The following ACE variants were observed in gnomAD, a reference collection of about 807,000 sequenced individuals.
ACE encodes angiotensin-converting enzyme.
A neutral mutation model predicts 162.3 loss-of-function variants in ACE; 122 were observed. The observed-to-expected ratio is 0.75, with a 90% CI of 0.65 to 0.87. The LOEUF (loss-of-function observed/expected upper bound fraction) is 0.87. Ranked by LOEUF, ACE falls within the 40% of genes least tolerant of loss-of-function variation. The probability of loss-of-function intolerance (pLI) is 0.00; values close to 1 mark genes in which losing one functional copy is unlikely to be tolerated. For missense variants in ACE, 1,799 were observed against 1,735.1 expected (o/e 1.04, Z -0.65); for synonymous variants, 796 against 720.6 (o/e 1.10, Z -1.68).
chr17:63,493,044 TC>T (rs765997805), intron 19 of ACE, among the ~76,000 whole-genome samples: 2 of 152,172 alleles, frequency 1.3e-5, no homozygotes, highest in Non-Finnish European at 2.9e-5. Flanking sequence ...AACAGTTGTT[TC>T]CTTCAGGGAG....
At chr17:63,489,180 G>A in intron 17 of ACE, 48 bp downstream of exon 17, 1 of 1,590,952 alleles carries the variant, frequency 6.3e-7, no homozygotes, top group Non-Finnish European at 8.5e-7. Context: ...GGACCACAGT[G>A]TGAGTGAGGG....
In ACE at chr17:63,477,265, C is replaced by G. The variant is rs1402236637; in HGVS notation, c.171C>G (p.Ala57=). Residue 57 remains alanine, a synonymous_variant, in exon 1 of 25, where the codon GCC becomes GCG. Transcript: ENST00000290866. ...TCGCGCAGAGCTACAACTCCAGCGC[C>G]GAACAGGTGCTGTTCCAGAGCGTGG... is the stretch of plus-strand genomic sequence containing the variant. ...QLFAQSYNSS[A]EQVLFQSVAA... 15 of 1,494,630 alleles carry G rather than the reference C, an allele frequency of 1.0e-5. No homozygotes were observed. Among genetic ancestry groups the G allele is most frequent in the East Asian group, 5.7e-5 (2 of 34,930 alleles). 92.6% of individuals were successfully genotyped at this position (1,494,630 alleles called of 1,614,324 possible). A position where few individuals can be genotyped will look rare whatever the true frequency, so the allele number is the denominator to read the frequency against.
chr17:63,479,710 G>A, intron 3 of ACE, 59 bp from the exon 4 acceptor site: 2 of 1,602,658 alleles, frequency 1.2e-6, no homozygotes, highest in Non-Finnish European at 8.5e-7. Flanking sequence ...CTCTGGTGAA[G>A]GCCGTTGAAG....
chr17:63,484,600 C>T lies in ACE; in HGVS notation c.1921+59C>T, dbSNP rs2029863499. On this transcript the variant is annotated intron_variant, in intron 12 of 24. Coordinates refer to ENST00000290866, the MANE Select transcript of ACE (RefSeq NM_000789.4). This position sits in a 1 kb window ranked among gnomAD's most constrained non-coding sequence, Gnocchi z 4.0. ...GGTGGGTCCTCAACTCTGGGCTTGG[C>T]CCAGGCCCCAGGTTCCTGGTCAGCT... 7 of 1,538,580 alleles carry T rather than the reference C, an allele frequency of 4.5e-6. No homozygotes were observed. The highest frequency in any genetic ancestry group is 2.4e-5 in the South Asian group (2 of 82,934).
chr17:63,477,218 G>A lies in ACE; in HGVS notation c.124G>A (p.Asp42Asn), dbSNP rs376354160. 5.3e-6 allele frequency: 8 copies of A among 1,496,700 alleles called. No individual in the cohort carries two copies. The African/African-American group carries it at 8.7e-5, about 16-fold the overall frequency. 92.7% of individuals were successfully genotyped at this position (1,496,700 alleles called of 1,614,324 possible). A position where few individuals can be genotyped will look rare whatever the true frequency, so the allele number is the denominator to read the frequency against. ...PGLQPGNFSA[D>N]EAGAQLFAQS... ...GCTGCAGCCCGGCAACTTTTCTGCT[G>A]ACGAGGCCGGGGCGCAGCTCTTCGC... Residue 42 changes from aspartate to asparagine, a missense_variant, in exon 1 of 25, where the codon GAC becomes AAC. Transcript: ENST00000290866.
rs1021154544 is a variant in ACE, at chr17:63,491,851, G to T, written c.2912+470G>T. On this transcript the variant is annotated intron_variant, in intron 19 of 24. Coordinates refer to ENST00000290866, the MANE Select transcript of ACE (RefSeq NM_000789.4). The surrounding 1 kb of genome is among the most constrained non-coding windows in gnomAD (Gnocchi z 4.4). ...TTGCTGTGCAACCAAGCACCCCAGA[G>T]CTTAGCCTTACGAAACAACCAGTTG... 6.6e-6 allele frequency among the ~76,000 whole-genome samples: 1 copy of T among 152,244 alleles called. No homozygotes were observed. The highest frequency in any genetic ancestry group is 2.4e-5 in the African/African-American group (1 of 41,464).
Position 63,491,381 on chromosome 17 carries a change from G to C in ACE, c.2912G>C (p.Arg971Pro). Residue 971 changes from arginine to proline, a missense_variant and splice_region_variant, in exon 19 of 25, where the codon CGG becomes CCG. By Grantham distance (103) the Arg-to-Pro change is moderately radical. Coordinates refer to ENST00000290866, the MANE Select transcript of ACE (RefSeq NM_000789.4). The surrounding 1 kb of genome is among the most constrained non-coding windows in gnomAD (Gnocchi z 4.4). ...GACTTCTACAACGGCAAGGACTTCC[G>C]GTACATCCAGCTAGGGCTCAGGTCT... ...AWDFYNGKDF[R>P]IKQCTTVNLE... 1 of 1,614,086 alleles carries C rather than the reference G, an allele frequency of 6.2e-7. No homozygotes were observed. The highest frequency in any genetic ancestry group is 8.5e-7 in the Non-Finnish European group (1 of 1,180,016).
chr17:63,496,423 A>G lies in ACE; in HGVS notation c.3410A>G (p.Gln1137Arg), dbSNP rs1895643705. The change falls in exon 23 of 25, where the codon CAG becomes CGG. Residue 1137 changes from glutamine to arginine, a missense_variant. Coordinates refer to ENST00000290866, the MANE Select transcript of ACE (RefSeq NM_000789.4). ...TTTGTCAGCTTCATCATCCAGTTCC[A>G]GTTCCACGAGGCACTGTGCCAGGCA... ...RYFVSFIIQF[Q>R]FHEALCQAAG... 6.2e-7 allele frequency: 1 copy of G among 1,614,214 alleles called. No individual in the cohort carries two copies. Among genetic ancestry groups the G allele is most frequent in the Admixed American group, 1.7e-5 (1 of 60,036 alleles).
In ACE at chr17:63,483,175, TGA is replaced by T. The variant is rs780369711; in HGVS notation, c.1487+6_1487+7del. The T allele has an allele frequency of 6.2e-7, 1 of 1,613,632 alleles. No homozygotes were observed. The highest frequency in any genetic ancestry group is 8.5e-7 in the Non-Finnish European group (1 of 1,180,008). On this transcript the variant is annotated splice_donor_region_variant and intron_variant, in intron 9 of 24. Coordinates refer to ENST00000290866, the MANE Select transcript of ACE (RefSeq NM_000789.4). The stretch of plus-strand genomic sequence containing the variant: ...CAACTTCGACTGGTGGTATCTTCGG[TGA>T]GAGGAGGGATAGAAAAGCCTTCGCC...
At chr17:63,495,220 G>A (rs565663535) in intron 22 of ACE, among the ~76,000 whole-genome samples, 1 of 152,346 alleles carries the variant, frequency 6.6e-6, no homozygotes, top group South Asian at 2.1e-4. Context: ...GCCCAATGCA[G>A]CCCCTCTCCT....
rs1314527541 is a variant in ACE at position 63,494,328 on chromosome 17, G to A, written c.3282-44G>A. ...AGTCAAAAATGCCACCCCCAGCCTG[G>A]TTCTCCCCAAACTCATCTTCCAACA... On this transcript the variant is annotated intron_variant, in intron 21 of 24. Coordinates refer to ENST00000290866, the MANE Select transcript of ACE (RefSeq NM_000789.4). The A allele has an allele frequency of 3.1e-6, 5 of 1,587,948 alleles. No homozygotes were observed. In the East Asian group the frequency reaches 1.1e-4, roughly 36 times the overall value.
chr17:63,483,342 C>T, intron 9 of ACE, 118 bp from the exon 10 acceptor site: 2 of 1,466,980 alleles, frequency 1.4e-6, no homozygotes, highest in Non-Finnish European at 1.9e-6. Flanking sequence ...TCCAGGAAGT[C>T]TTCCCCAGTT....
intron 1 of ACE, 139 bp from the exon 2 acceptor site, chr17:63,477,792 T>G: frequency 2.0e-6 from 2 of 1,018,402 alleles, no homozygotes; most frequent in South Asian, 1.6e-5. Flanking sequence ...CAAACTAAGG[T>G]CTCCCGCAGG....
In ACE at chr17:63,496,928, A is replaced by G. The variant is rs996589954; in HGVS notation, c.3634A>G (p.Asn1212Asp). 6.2e-6 allele frequency: 10 copies of G among 1,613,288 alleles called. No individual in the cohort carries two copies. The highest frequency in any genetic ancestry group is 1.7e-5 in the Admixed American group (1 of 59,984). ...GCTGCTGGACTGGCTCCGCACGGAG[A>G]ACGAGCTGCATGGGGAGAAGCTGGG... ...KPLLDWLRTE[N>D]ELHGEKLGWP... Residue 1212 changes from asparagine (N) to aspartate (D), a missense_variant, in exon 24 of 25, where the codon AAC becomes GAC. By Grantham distance (23) the Asn-to-Asp change is conservative (BLOSUM62 1). Coordinates refer to ENST00000290866, the MANE Select transcript of ACE (RefSeq NM_000789.4).
At chr17:63,485,414 A>C (rs781754525) in intron 13 of ACE, 42 bp downstream of exon 13, 2 of 1,611,754 alleles carry the variant, frequency 1.2e-6, no homozygotes, top group Middle Eastern at 1.6e-4. Flanking sequence ...GCATGTGCAT[A>C]CACACAGAGA....
chr17:63,477,383 G>A (rs1293576707), intron 1 of ACE, 40 bp downstream of exon 1: 2 of 1,208,662 alleles, frequency 1.7e-6, no homozygotes, highest in Non-Finnish European at 2.1e-6. Flanking sequence ...GCGGGGCCGC[G>A]GCGGCCAATC....
intron 9 of ACE, 83 bp from the exon 10 acceptor site, chr17:63,483,377 G>A: frequency 6.8e-7 from 1 of 1,477,838 alleles, no homozygotes; most frequent in South Asian, 1.1e-5. Context: ...AGGGTTGCCG[G>A]GTGGAAATGC....
chr17:63,491,284 G>C lies in ACE; in HGVS notation c.2815G>C (p.Glu939Gln), dbSNP rs755034079. 1 of 1,614,094 alleles carries C rather than the reference G, an allele frequency of 6.2e-7. No homozygotes were observed. Among genetic ancestry groups the C allele is most frequent in the Admixed American group, 1.7e-5 (1 of 60,014 alleles). ...CCTGGGGCTGCTGCCCGTGCCTCCT[G>C]AGTTCTGGAACAAGTCGATGCTGGA... ...TSLGLLPVPP[E>Q]FWNKSMLEKP... is the part of the protein sequence containing the mutation. Residue 939 changes from glutamate (E) to glutamine (Q), a missense_variant, in exon 19 of 25, where the codon GAG becomes CAG. Coordinates refer to ENST00000290866, the MANE Select transcript of ACE (RefSeq NM_000789.4). The surrounding 1 kb of genome is among the most constrained non-coding windows in gnomAD (Gnocchi z 4.4).
chr17:63,479,313 C>G (rs536743320), intron 3 of ACE, among the ~76,000 whole-genome samples: 1 of 152,284 alleles, frequency 6.6e-6, no homozygotes, highest in African/African-American at 2.4e-5. Flanking sequence ...GCCCCCACTT[C>G]TGTGTGTACC....
Sources: gnomAD v4.1 joint callset for allele counts (sites outside exome capture counted in the v4.1 genomes callset) on GRCh38, gnomAD v4.1.1 for gene constraint, Gnocchi (gnomAD v3.1) non-coding constraint, MANE v1.5 for transcripts, NCBI Gene and HGNC (gene_info 2026-07-23, HGNC 2026-07-21) for gene names.